PALM: variants seen among roughly 807,000 people sequenced by gnomAD.
The protein encoded by PALM is paralemmin.
In PALM, 18 loss-of-function variants were observed where a neutral mutation model predicts 30.7. The observed-to-expected ratio is 0.59, with a 90% CI of 0.41 to 0.87. The LOEUF (loss-of-function observed/expected upper bound fraction) is 0.87, where lower values mean the gene tolerates loss of function less well. Ranked by LOEUF, PALM falls within the 40% of genes least tolerant of loss-of-function variation. The pLI is 0.00. For missense variants in PALM, 529 were observed against 555.4 expected (o/e 0.95, Z 0.48); for synonymous variants, 286 against 242.8 (o/e 1.18, Z -1.66).
intron 1 of PALM, among the ~76,000 whole-genome samples, chr19:711,979 C>T (rs1003688136): frequency 2.0e-5 from 3 of 151,956 alleles, no homozygotes; most frequent in Admixed American, 6.6e-5. Context: ...GCCTTTTCCA[C>T]GGCCCTGTTT....
chr19:732,692 T>TAA (rs559816113), intron 5 of PALM, among the ~76,000 whole-genome samples: 2 of 145,662 alleles, frequency 1.4e-5, no homozygotes, highest in Non-Finnish European at 3.0e-5. Context: ...AGATTCTTTC[T>TAA]AAAAAAAAAA....
chr19:731,889 T>C (rs1191781328), intron 5 of PALM, among the ~76,000 whole-genome samples: 1 of 152,124 alleles, frequency 6.6e-6, no homozygotes, highest in Non-Finnish European at 1.5e-5. Flanking sequence ...CCCAAACTCC[T>C]GACCTCAGGT....
At chr19:721,253 G>C (rs961793232) in intron 1 of PALM, among the ~76,000 whole-genome samples, 2 of 152,084 alleles carry the variant, frequency 1.3e-5, no homozygotes, top group Non-Finnish European at 2.9e-5. Context: ...GACAGGGTCT[G>C]ATTAATTATT....
intron 6 of PALM, 85 bp downstream of exon 6, chr19:734,279 A>G (rs1410402754): frequency 2.2e-6 from 3 of 1,369,902 alleles, no homozygotes; most frequent in South Asian, 2.4e-5. Flanking sequence ...TGAAGCTACA[A>G]AGTTGCTCGG....
intron 6 of PALM, 68 bp downstream of exon 6, chr19:734,262 CG>C: frequency 1.3e-6 from 2 of 1,500,460 alleles, no homozygotes. Context: ...GATGGCAGGG[CG>C]GGGAGTGAAG....
chr19:710,843 T>C (rs1473680558), intron 1 of PALM, among the ~76,000 whole-genome samples: 1 of 152,196 alleles, frequency 6.6e-6, no homozygotes, highest in African/African-American at 2.4e-5. Context: ...GAGCCGCCAT[T>C]CGAGGACGAC....
chr19:746,941 CCTTCCGAGTTTT>C lies in PALM; in HGVS notation c.*131_*142del. The C allele has an allele frequency of 1.6e-6, 1 of 640,282 alleles. No individual in the cohort carries two copies. The highest frequency in any genetic ancestry group is 2.8e-5 in the East Asian group (1 of 36,314). The allele number at this position is 640,282 out of a possible 1,614,324, so 39.7% of individuals were successfully genotyped here. On this transcript the variant is annotated 3_prime_UTR_variant, in exon 9 of 9. Transcript: ENST00000338448. The surrounding 1 kb of genome is among the most constrained non-coding windows in gnomAD (Gnocchi z 7.1). ...AGGACTTGGCGTGTTGTTACATGTT[CCTTCCGAGTTTT>C]CTTTCGCTGGAAAGAGGGACAGGGG...
At chr19:728,179 G>C (rs925309307) in intron 4 of PALM, among the ~76,000 whole-genome samples, 4 of 152,212 alleles carry the variant, frequency 2.6e-5, no homozygotes, top group Non-Finnish European at 5.9e-5. Context: ...GCTCGGGCGG[G>C]GGCAGGAAGG....
At chr19:711,435 C>G (rs563340645) in intron 1 of PALM, among the ~76,000 whole-genome samples, 2 of 152,150 alleles carry the variant, frequency 1.3e-5, no homozygotes, top group Non-Finnish European at 2.9e-5. Context: ...TGGTCAAGAC[C>G]GGCCCAGACT....
At chr19:737,454 T>C (rs531990967) in intron 7 of PALM, among the ~76,000 whole-genome samples, 4 of 152,224 alleles carry the variant, frequency 2.6e-5, no homozygotes, top group African/African-American at 9.6e-5. Context: ...ATGCCAGGCA[T>C]TGGGGGAGAG....
chr19:726,961 CCG>C, intron 2 of PALM, 45 bp from the exon 3 acceptor site: 1 of 1,166,750 alleles, frequency 8.6e-7, no homozygotes, highest in Non-Finnish European at 1.2e-6. Flanking sequence ...GGGGGGGTCT[CCG>C]GGACCCCCAC....
rs1421529555 is a variant in PALM, at chr19:731,201, G to A, written c.376G>A (p.Ala126Thr). Reference sequence around the variant, plus strand: ...AGTCCGGGCCCCAGCCCCGAGTCCAGCCAAGGAGGAGCGCAAGACAGAGGT... The same window carrying A: ...AGTCCGGGCCCCAGCCCCGAGTCCAACCAAGGAGGAGCGCAAGACAGAGGT... ...SPVRAPAPSPAKEERKTEVVM... is the reference protein window; with the variant it reads ...SPVRAPAPSPTKEERKTEVVM... The change falls in exon 5 of 9, where the codon GCC (alanine) becomes ACC (threonine). Residue 126 changes from alanine to threonine, a missense_variant. By Grantham distance (58) the Ala-to-Thr change is moderately conservative. Coordinates refer to ENST00000338448, the MANE Select transcript of PALM (RefSeq NM_002579.3). 3.1e-6 allele frequency: 5 copies of A among 1,611,476 alleles called. No individual in the cohort carries two copies. Among genetic ancestry groups the A allele is most frequent in the Non-Finnish European group, 4.2e-6 (5 of 1,179,402 alleles).
At chr19:739,907 G>GC in intron 7 of PALM, among the ~76,000 whole-genome samples, 1 of 152,174 alleles carries the variant, frequency 6.6e-6, no homozygotes, top group Non-Finnish European at 1.5e-5. Context: ...ACCGGGAGGT[G>GC]AGTCCAGATC....
rs562236465 is a variant in PALM, at chr19:709,915, G to T, written c.5+764G>T. On this transcript the variant is annotated intron_variant, in intron 1 of 8. Transcript: ENST00000338448. This position sits in a 1 kb window ranked among gnomAD's most constrained non-coding sequence, Gnocchi z 4.3. ...GCATGGCTGCGCCTGTGTGTGTGGG[G>T]GGGGGGTGGCCAGTGGAGGCACCGA... Among the ~76,000 whole-genome samples, 117 of 147,052 alleles carry T rather than the reference G, an allele frequency of 8.0e-4. No individual in the cohort carries two copies. The highest frequency in any genetic ancestry group is 2.7e-3 in the African/African-American group (105 of 39,344).
At chr19:736,693 A>G (rs1373149695) in intron 7 of PALM, among the ~76,000 whole-genome samples, 1 of 152,236 alleles carries the variant, frequency 6.6e-6, no homozygotes, top group South Asian at 2.1e-4. Flanking sequence ...CAGGAGCCCA[A>G]TAATGAGAAA....
intron 7 of PALM, 196 bp downstream of exon 7, chr19:736,274 C>G (rs375192233): frequency 3.8e-6 from 2 of 528,968 alleles, no homozygotes; most frequent in Non-Finnish European, 6.7e-6. Context: ...TGCTTTGTTG[C>G]CCTGGTCCCA....
At chr19:732,429 T>G (rs2032904112) in intron 5 of PALM, among the ~76,000 whole-genome samples, 1 of 152,218 alleles carries the variant, frequency 6.6e-6, no homozygotes, top group African/African-American at 2.4e-5. Context: ...GCTTAGTGGC[T>G]CACGCCTGTA....
chr19:739,923 A>G (rs2033137051), intron 7 of PALM, among the ~76,000 whole-genome samples: 1 of 152,162 alleles, frequency 6.6e-6, no homozygotes, highest in South Asian at 2.1e-4. Context: ...AGATCACACC[A>G]CTGTGCTCCA....
rs1393807422 is a variant in PALM, at chr19:746,995, C to T, written c.*181C>T. 3.0e-5 allele frequency: 18 copies of T among 594,056 alleles called. No homozygotes were observed. Among genetic ancestry groups the T allele is most frequent in the East Asian group, 2.0e-4 (7 of 35,842 alleles). The allele number at this position is 594,056 out of a possible 1,614,324, so 36.8% of individuals were successfully genotyped here. On this transcript the variant is annotated 3_prime_UTR_variant, in exon 9 of 9. Transcript: ENST00000338448. This position sits in a 1 kb window ranked among gnomAD's most constrained non-coding sequence, Gnocchi z 7.1. ...GGACAGGGGCCCCCACCCGTCACCA[C>T]GCCCCAACACTCCCCCCGAACCAGA...
Sources: gnomAD v4.1 joint callset for allele counts (sites outside exome capture counted in the v4.1 genomes callset) on GRCh38, gnomAD v4.1.1 for gene constraint, Gnocchi (gnomAD v3.1) non-coding constraint, MANE v1.5 for transcripts, NCBI Gene and HGNC (gene_info 2026-07-23, HGNC 2026-07-21) for gene names.